The following NEFH variants were observed in gnomAD, a reference collection of about 807,000 sequenced individuals.
NEFH encodes the protein neurofilament heavy chain.
A neutral mutation model predicts 56.6 loss-of-function variants in NEFH; 58 were observed. The observed-to-expected ratio is 1.03, with a 90% CI of 0.83 to 1.28. The LOEUF (loss-of-function observed/expected upper bound fraction) is 1.28, where lower values mean the gene tolerates loss of function less well. Ranked by LOEUF, NEFH falls within the 50% of genes most tolerant of loss-of-function variation. NEFH has a pLI of 0.00. For synonymous variants in NEFH, 542 were observed against 545.8 expected (o/e 0.99, Z 0.10); for missense variants, 1,221 against 1,307.6 (o/e 0.93, Z 1.02).
chr22:29,488,669 G>A (rs1305515812), intron 3 of NEFH, among the ~76,000 whole-genome samples, 180 bp from the exon 4 acceptor site: 1 of 152,054 alleles, frequency 6.6e-6, no homozygotes, highest in Admixed American at 6.5e-5. Context: ...CATTCTGGGT[G>A]GTCACTGGAA....
In NEFH at chr22:29,490,162, A is replaced by C; in HGVS notation, c.2522A>C (p.Lys841Thr). 7 of 1,613,500 alleles carry C rather than the reference A, an allele frequency of 4.3e-6. No individual in the cohort carries two copies. Among genetic ancestry groups the C allele is most frequent in the Non-Finnish European group, 5.9e-6 (7 of 1,179,766 alleles). ...GTGAAAGTCAAAGAGCCCCCAAAGA[A>C]GGCAGAGGAAGAGAAAGCCCCTGCC... is the stretch of plus-strand genomic sequence containing the variant. The part of the protein sequence containing the change: ...QEVKVKEPPK[K>T]AEEEKAPATP... Residue 841 changes from lysine to threonine, a missense_variant, in exon 4 of 4, where the codon AAG becomes ACG. Around this residue, in one of 4 missense-constraint regions of NEFH, gnomAD observed 301 missense variants for 346.6 expected, o/e 0.87. Transcript: ENST00000310624.
At position 29,480,877 on chromosome 22, in the gene NEFH, C is replaced by G. The variant is rs1301849129; in HGVS notation, c.615C>G (p.Phe205Leu). 2 of 1,417,598 alleles carry G rather than the reference C, an allele frequency of 1.4e-6. No individual in the cohort carries two copies. Among genetic ancestry groups the G allele is most frequent in the Non-Finnish European group, 1.8e-6 (2 of 1,098,930 alleles). The allele number at this position is 1,417,598 out of a possible 1,614,324, so 87.8% of individuals were successfully genotyped here. A position where few individuals can be genotyped will look rare whatever the true frequency, so the allele number is the denominator to read the frequency against. The stretch of plus-strand genomic sequence containing the variant: ...CGGCGGCCCGCGCGCTGGCGCGCTT[C>G]GCGCAGGAGGCCGAGGCGGCGCGCG... ...AEAAARALAR[F>L]AQEAEAARVD... is the part of the protein sequence containing the mutation. Residue 205 changes from phenylalanine (F) to leucine (L), a missense_variant, in exon 1 of 4, where the codon TTC becomes TTG. Transcript: ENST00000310624.
intron 1 of NEFH, 30 bp downstream of exon 1, chr22:29,481,175 C>T (rs1420028383): frequency 4.6e-6 from 7 of 1,527,096 alleles, no homozygotes; most frequent in African/African-American, 2.8e-5. Flanking sequence ...GGGGGAGGGG[C>T]GCCCCTGCTG....
rs1217251635 is a variant in NEFH at position 29,488,878 on chromosome 22, T to C, written c.1238T>C (p.Ile413Thr). The change falls in exon 4 of 4, where the codon ATT (isoleucine) becomes ACT (threonine). Residue 413 changes from isoleucine to threonine, a missense_variant. This residue lies in a region of NEFH where 243 missense variants were observed against 299.1 expected (regional missense o/e 0.81). Transcript: ENST00000310624. ...CTCCTGGAAGGTGAAGAGTGTCGGA[T>C]TGGCTTTGGCCCAATTCCTTTCTCG... is the stretch of plus-strand genomic sequence containing the variant. ...RKLLEGEECR[I>T]GFGPIPFSLP... is the part of the protein sequence containing the mutation. The C allele has an allele frequency of 2.5e-6, 4 of 1,614,088 alleles. No homozygotes were observed. The highest frequency in any genetic ancestry group is 2.2e-5 in the East Asian group (1 of 44,900).
At position 29,480,336 on chromosome 22, in the gene NEFH, A is replaced by C. The variant is rs1312701029; in HGVS notation, c.74A>C (p.His25Pro). Residue 25 changes from histidine (H) to proline (P), a missense_variant, in exon 1 of 4, where the codon CAC becomes CCC. His to Pro is a moderately conservative substitution (Grantham distance 77, BLOSUM62 -2). This residue lies in a region of NEFH where 640 missense variants were observed against 555.5 expected (regional missense o/e 1.15). Transcript: ENST00000310624. ...FAPLHGGGSL[H>P]YALARKGGAG... ...CCGCTGCATGGCGGCGGCAGCCTCC[A>C]CTACGCGCTAGCCCGAAAGGGTGGC... The C allele has an allele frequency of 2.0e-6, 3 of 1,519,542 alleles. No homozygotes were observed. The highest frequency in any genetic ancestry group is 2.6e-6 in the Non-Finnish European group (3 of 1,142,760). The allele number at this position is 1,519,542 out of a possible 1,614,324, so 94.1% of individuals were successfully genotyped here. A position where few individuals can be genotyped will look rare whatever the true frequency, so the allele number is the denominator to read the frequency against.
Position 29,489,057 on chromosome 22 carries a change from G to C in NEFH, c.1417G>C (p.Glu473Gln). 2 of 1,614,066 alleles carry C rather than the reference G, an allele frequency of 1.2e-6. No individual in the cohort carries two copies. Among genetic ancestry groups the C allele is most frequent in the Non-Finnish European group, 1.7e-6 (2 of 1,179,928 alleles). Residue 473 changes from glutamate to glutamine, a missense_variant, in exon 4 of 4, where the codon GAA becomes CAA. Around this residue, in one of 4 missense-constraint regions of NEFH, gnomAD observed 243 missense variants for 299.1 expected, o/e 0.81. Coordinates refer to ENST00000310624, the MANE Select transcript of NEFH (RefSeq NM_021076.4). ...ETQVTEEVTE[E>Q]EEKEAKEEEG... ...CCAAGTGACTGAAGAAGTGACTGAAGAAGAGGAGAAAGAGGCCAAAGAGGA... is the reference window on the plus strand; with the variant it reads ...CCAAGTGACTGAAGAAGTGACTGAACAAGAGGAGAAAGAGGCCAAAGAGGA...
rs1210850072 is a variant in NEFH, at chr22:29,485,840, G to A, written c.1201G>A (p.Ala401Thr). 8.7e-6 allele frequency: 14 copies of A among 1,614,052 alleles called. No individual in the cohort carries two copies. In the East Asian group the frequency reaches 8.9e-5, roughly 10 times the overall value. The part of the protein sequence containing the change: ...VKMALDIEIA[A>T]YRKLLEGEEC... ...GATGGCTCTGGATATAGAGATAGCC[G>A]CTTACAGGTGAGACGCACAGGGGCT... The change falls in exon 3 of 4, where the codon GCT becomes ACT. Residue 401 changes from alanine to threonine, a missense_variant. Around this residue, in one of 4 missense-constraint regions of NEFH, gnomAD observed 243 missense variants for 299.1 expected, o/e 0.81. Coordinates refer to ENST00000310624, the MANE Select transcript of NEFH (RefSeq NM_021076.4).
At chr22:29,481,518 G>A (rs2063009895) in intron 1 of NEFH, among the ~76,000 whole-genome samples, 1 of 152,134 alleles carries the variant, frequency 6.6e-6, no homozygotes, top group African/African-American at 2.4e-5. Flanking sequence ...AAGCGCTGGA[G>A]ACTCTTAGCC....
rs561589452 is a variant in NEFH, at chr22:29,490,777, A to G, written c.*74A>G. On this transcript the variant is annotated 3_prime_UTR_variant, in exon 4 of 4. Transcript: ENST00000310624. ...CCCGGAGCTCAAGGATCAGAGTAAC[A>G]CAATTTTCACTTTTTCTGTCTTTAT... 42 of 1,595,150 alleles carry G rather than the reference A, an allele frequency of 2.6e-5. No individual in the cohort carries two copies. The African/African-American group carries it at 5.2e-4, about 20-fold the overall frequency.
Position 29,490,965 on chromosome 22 carries a change from A to G in NEFH, c.*262A>G, listed in dbSNP as rs2063078324. ...TGTAGCTGAATGTGATACATGCCGA[A>G]TGCCACACGTAAACACTTGACTATA... On this transcript the variant is annotated 3_prime_UTR_variant, in exon 4 of 4. Transcript: ENST00000310624. 1.7e-6 allele frequency: 1 copy of G among 590,456 alleles called. No homozygotes were observed. Among genetic ancestry groups the G allele is most frequent in the African/African-American group, 1.9e-5 (1 of 53,490 alleles). The allele number at this position is 590,456 out of a possible 1,614,324, so 36.6% of individuals were successfully genotyped here.
chr22:29,480,408 C>T lies in NEFH; in HGVS notation c.146C>T (p.Ser49Leu). ...SAAGSSSGFH[S>L]WTRTSVSSVS... ...GCTGGCTCCTCCAGCGGCTTCCACTCGTGGACACGGACGTCCGTGAGCTCC... is the reference window on the plus strand; with the variant it reads ...GCTGGCTCCTCCAGCGGCTTCCACTTGTGGACACGGACGTCCGTGAGCTCC... The change falls in exon 1 of 4, where the codon TCG becomes TTG. Residue 49 changes from serine (S) to leucine (L), a missense_variant. By Grantham distance (145) the Ser-to-Leu change is moderately radical. Around this residue, in one of 4 missense-constraint regions of NEFH, gnomAD observed 640 missense variants for 555.5 expected, o/e 1.15. Transcript: ENST00000310624. 6.5e-7 allele frequency: 1 copy of T among 1,535,258 alleles called. No homozygotes were observed. Among genetic ancestry groups the T allele is most frequent in the Non-Finnish European group, 8.7e-7 (1 of 1,147,734 alleles).
chr22:29,488,762 C>A lies in NEFH; in HGVS notation c.1209-87C>A, dbSNP rs1248235969. The A allele has an allele frequency of 1.1e-5, 14 of 1,231,792 alleles. No homozygotes were observed. In the South Asian group the frequency reaches 1.5e-4, roughly 13 times the overall value. 76.3% of individuals were successfully genotyped at this position (1,231,792 alleles called of 1,614,324 possible). A position where few individuals can be genotyped will look rare whatever the true frequency, so the allele number is the denominator to read the frequency against. ...CACCAAAACCCATATCATTCGATGT[C>A]AGTGACCTTCAGGATAGTCTAGGAA... On this transcript the variant is annotated intron_variant, in intron 3 of 3. Coordinates refer to ENST00000310624, the MANE Select transcript of NEFH (RefSeq NM_021076.4).
intron 1 of NEFH, among the ~76,000 whole-genome samples, chr22:29,481,599 C>G (rs929558357): frequency 1.3e-5 from 2 of 152,216 alleles, no homozygotes; most frequent in African/African-American, 4.8e-5. Context: ...AACTCTATTC[C>G]TCTCACCCCT....
Position 29,490,156 on chromosome 22 carries a change from C to T in NEFH, c.2516C>T (p.Pro839Leu), listed in dbSNP as rs1347655393. 1.9e-6 allele frequency: 3 copies of T among 1,613,152 alleles called. No homozygotes were observed. In the Admixed American group the frequency reaches 5.0e-5, roughly 27 times the overall value. Residue 839 changes from proline to leucine, a missense_variant, in exon 4 of 4, where the codon CCA (proline) becomes CTA (leucine). This residue lies in a region of NEFH where 301 missense variants were observed against 346.6 expected (regional missense o/e 0.87). Transcript: ENST00000310624. Reference protein sequence around the residue: ...KPQEVKVKEPPKKAEEEKAPA... With the variant: ...KPQEVKVKEPLKKAEEEKAPA... Reference sequence around the variant, plus strand: ...CAGGAGGTGAAAGTCAAAGAGCCCCCAAAGAAGGCAGAGGAAGAGAAAGCC... The same window carrying T: ...CAGGAGGTGAAAGTCAAAGAGCCCCTAAAGAAGGCAGAGGAAGAGAAAGCC...
chr22:29,483,434 C>T lies in NEFH; in HGVS notation c.943C>T (p.Gln315Ter). 1 of 1,613,916 alleles carries T rather than the reference C, an allele frequency of 6.2e-7. No homozygotes were observed. Among genetic ancestry groups the T allele is most frequent in the South Asian group, 1.1e-5 (1 of 91,088 alleles). ...GAACACAGACGCTATGCGCTCAGCG[C>T]AGGAGGAGATAACTGAGTACCGGCG... ...KVNTDAMRSA[Q>*]EEITEYRRQL... The change falls in exon 2 of 4, where the codon CAG (glutamine) becomes TAG (stop). Residue 315 changes from glutamine (Q) to a stop codon, truncating the protein, a stop_gained. Transcript: ENST00000310624. LOFTEE classifies it high-confidence loss of function.
rs1369908758 is a variant in NEFH at position 29,490,834 on chromosome 22, CCTT to C, written c.*136_*138del. The C allele has an allele frequency of 7.3e-6, 11 of 1,515,750 alleles. 1 individual carries two copies. The East Asian group carries it at 1.7e-4, about 24-fold the overall frequency. The allele number at this position is 1,515,750 out of a possible 1,614,324, so 93.9% of individuals were successfully genotyped here. ...AGAAACTGCTTAGATGACGGGGCCT[CCTT>C]CTTCAAACAGGAATTTCTGTTAGCA... On this transcript the variant is annotated 3_prime_UTR_variant, in exon 4 of 4. Transcript: ENST00000310624.
intron 1 of NEFH, among the ~76,000 whole-genome samples, chr22:29,483,140 G>A (rs1034761999): frequency 6.6e-6 from 1 of 152,102 alleles, no homozygotes; most frequent in African/African-American, 2.4e-5. Context: ...TTAGCTGGGC[G>A]TAGTGGCAGG....
rs2063061618 is a variant in NEFH, at chr22:29,489,195, C to T, written c.1555C>T (p.Pro519Ser). 6.2e-7 allele frequency: 1 copy of T among 1,614,138 alleles called. No homozygotes were observed. The highest frequency in any genetic ancestry group is 8.5e-7 in the Non-Finnish European group (1 of 1,180,020). Residue 519 changes from proline to serine, a missense_variant, in exon 4 of 4, where the codon CCA (proline) becomes TCA (serine). Pro to Ser is a moderately conservative substitution (Grantham distance 74). This residue lies in a region of NEFH where 243 missense variants were observed against 299.1 expected (regional missense o/e 0.81). Transcript: ENST00000310624. ...AASPEKEAKSPVKEEAKSPAE... is the reference protein window; with the variant it reads ...AASPEKEAKSSVKEEAKSPAE... Reference sequence around the variant, plus strand: ...ATCCCCAGAGAAGGAAGCCAAGTCACCAGTAAAGGAAGAGGCAAAGTCACC... The same window carrying T: ...ATCCCCAGAGAAGGAAGCCAAGTCATCAGTAAAGGAAGAGGCAAAGTCACC...
At chr22:29,483,140 G>C (rs1034761999) in intron 1 of NEFH, among the ~76,000 whole-genome samples, 1 of 152,102 alleles carries the variant, frequency 6.6e-6, no homozygotes, top group African/African-American at 2.4e-5. Flanking sequence ...TTAGCTGGGC[G>C]TAGTGGCAGG....
Sources: allele counts gnomAD v4.1 joint callset (sites outside exome capture counted in the v4.1 genomes callset), GRCh38; gene constraint gnomAD v4.1.1; regional missense constraint gnomAD v4.1.1; transcripts MANE v1.5; gene names NCBI Gene and HGNC (gene_info 2026-07-23, HGNC 2026-07-21).